PACRGL: variants seen among roughly 807,000 people sequenced by gnomAD.
PACRGL encodes parkin coregulated like.
In PACRGL, 38 loss-of-function variants were observed where a neutral mutation model predicts 34.5. The observed-to-expected ratio is 1.10, with a 90% confidence interval of 0.85 to 1.44. PACRGL has a LOEUF of 1.44. PACRGL is among the 40% of genes most tolerant of loss of function. The pLI, the probability that PACRGL is intolerant of heterozygous loss-of-function variation, is 0.00. For missense variants in PACRGL, 305 were observed against 281.4 expected (o/e 1.08, Z -0.60); for synonymous variants, 128 against 100.1 (o/e 1.28, Z -1.66).
chr4:20,738,383 C>T (rs1245883546), intron 8 of PACRGL, among the ~76,000 whole-genome samples: 4 of 152,154 alleles, frequency 2.6e-5, no homozygotes, highest in South Asian at 2.1e-4. Context: ...GCAACACAGT[C>T]ACCTGGGGAG....
chr4:20,759,081 C>T, the PACRGL span, among the ~76,000 whole-genome samples: 1 of 151,792 alleles, frequency 6.6e-6, no homozygotes, highest in Non-Finnish European at 1.5e-5. Context: ...GAAAAAAAAA[C>T]GTAGATGTAA....
chr4:20,759,652 G>GA, the PACRGL span, among the ~76,000 whole-genome samples: 1 of 148,288 alleles, frequency 6.7e-6, no homozygotes, highest in African/African-American at 2.5e-5. Flanking sequence ...ATAAAAAAAA[G>GA]AAAAAAAGAA....
chr4:20,708,244 A>G (rs894377507), intron 4 of PACRGL, among the ~76,000 whole-genome samples: 5 of 152,200 alleles, frequency 3.3e-5, no homozygotes, highest in Admixed American at 3.3e-4. Flanking sequence ...TAATAAATAC[A>G]TATGGCTGTT....
intron 5 of PACRGL, among the ~76,000 whole-genome samples, chr4:20,710,449 A>T (rs1736649244): frequency 6.6e-6 from 1 of 152,160 alleles, no homozygotes; most frequent in South Asian, 2.1e-4. Flanking sequence ...TAAACTTTTA[A>T]TTACTTTTTA....
Position 20,729,982 on chromosome 4 carries a change from G to A in PACRGL, c.*2641G>A. 1 of 1,353,256 alleles carries A rather than the reference G, an allele frequency of 7.4e-7. No homozygotes were observed. Among genetic ancestry groups the A allele is most frequent in the Non-Finnish European group, 1.0e-6 (1 of 1,002,820 alleles). 83.8% of individuals were successfully genotyped at this position (1,353,256 alleles called of 1,614,324 possible). On this transcript the variant is annotated 3_prime_UTR_variant, in exon 9 of 9. Coordinates refer to ENST00000503585, the MANE Select transcript of PACRGL (RefSeq NM_001258345.3). ...AAGCTTGTTTGCATAATATGCTTCA[G>A]TGTCAAGCTGAGCAATCTATGCTAA...
At chr4:20,718,718 G>T (rs1206197035) in intron 7 of PACRGL, 3 of 152,190 alleles carry the variant, frequency 2.0e-5, no homozygotes, top group South Asian at 2.1e-4. Flanking sequence ...TTGATGTGCT[G>T]CTGGATTCGG....
At chr4:20,758,307 TGAAA>T in the PACRGL span, among the ~76,000 whole-genome samples, 2 of 152,142 alleles carry the variant, frequency 1.3e-5, no homozygotes, top group Non-Finnish European at 2.9e-5. Flanking sequence ...AAAGAATTAC[TGAAA>T]GAAAGAGGAA....
At chr4:20,755,021 C>T (rs1403621748), downstream of PACRGL, among the ~76,000 whole-genome samples, 2 of 151,888 alleles carry the variant, frequency 1.3e-5, no homozygotes, top group East Asian at 1.9e-4. Flanking sequence ...TAATTAATTC[C>T]CCAAATTAAT....
intron 8 of PACRGL, among the ~76,000 whole-genome samples, chr4:20,745,969 C>T (rs1390673551): frequency 1.3e-5 from 2 of 152,144 alleles, no homozygotes; most frequent in African/African-American, 2.4e-5. Flanking sequence ...AAGACTGTGG[C>T]GATTCCTCAA....
chr4:20,710,291 C>A (rs970221683), intron 5 of PACRGL, among the ~76,000 whole-genome samples: 2 of 152,112 alleles, frequency 1.3e-5, no homozygotes, highest in East Asian at 3.9e-4. Flanking sequence ...TTAAAAAAAA[C>A]TTTTGATAGC....
chr4:20,736,527 A>G (rs1749668797), downstream of PACRGL, among the ~76,000 whole-genome samples: 1 of 152,148 alleles, frequency 6.6e-6, no homozygotes. Flanking sequence ...TGTGTGCAAT[A>G]TTAGCTGCAA....
Position 20,729,952 on chromosome 4 carries a change from A to G in PACRGL, c.*2611A>G. On this transcript the variant is annotated 3_prime_UTR_variant, in exon 9 of 9. Coordinates refer to ENST00000503585, the MANE Select transcript of PACRGL (RefSeq NM_001258345.3). The stretch of plus-strand genomic sequence containing the variant: ...ATCTTTTGGGGATTGCTTTATATTA[A>G]AACAAAGCTTGTTTGCATAATATGC... 2 of 1,127,276 alleles carry G rather than the reference A, an allele frequency of 1.8e-6. No homozygotes were observed. Among genetic ancestry groups the G allele is most frequent in the Non-Finnish European group, 2.4e-6 (2 of 831,674 alleles). 69.8% of individuals were successfully genotyped at this position (1,127,276 alleles called of 1,614,324 possible). A position where few individuals can be genotyped will look rare whatever the true frequency, so the allele number is the denominator to read the frequency against.
At chr4:20,722,202 G>A (rs1743628141) in intron 7 of PACRGL, among the ~76,000 whole-genome samples, 1 of 152,198 alleles carries the variant, frequency 6.6e-6, no homozygotes, top group Non-Finnish European at 1.5e-5. Context: ...GGAGTGACTC[G>A]ATATTCCAGG....
chr4:20,706,667 C>A lies in PACRGL; in HGVS notation c.208-1136C>A, dbSNP rs544478273. Among the ~76,000 whole-genome samples the A allele has an allele frequency of 2.6e-5, 4 of 152,170 alleles. No homozygotes were observed. The East Asian group carries it at 7.7e-4, about 29-fold the overall frequency. ...CTTGGTTCACTGCAAACTCCGCCTC[C>A]TGCATTCAAGCCATTCTCCTGCCTC... On this transcript the variant is annotated intron_variant, in intron 3 of 8. Coordinates refer to ENST00000503585, the MANE Select transcript of PACRGL (RefSeq NM_001258345.3).
chr4:20,700,309 T>G (rs987705331), upstream of PACRGL: 1 of 152,306 alleles, frequency 6.6e-6, no homozygotes, highest in African/African-American at 2.4e-5. Flanking sequence ...GTGCGTGAGC[T>G]GCCCCCTGAA....
In PACRGL at chr4:20,731,650, G is replaced by A; in HGVS notation, c.*4309G>A. 1 of 985,170 alleles carries A rather than the reference G, an allele frequency of 1.0e-6. No homozygotes were observed. Among genetic ancestry groups the A allele is most frequent in the Non-Finnish European group, 1.2e-6 (1 of 829,778 alleles). 61.0% of individuals were successfully genotyped at this position (985,170 alleles called of 1,614,324 possible). On this transcript the variant is annotated 3_prime_UTR_variant, in exon 9 of 9. Transcript: ENST00000503585. The stretch of plus-strand genomic sequence containing the variant: ...GCTATCTAGGAATTCTAATGCTGTG[G>A]AGATATGATAGATAATATATGAGTG...
rs926128477 is a variant in PACRGL at position 20,728,613 on chromosome 4, A to G, written c.*1272A>G. On this transcript the variant is annotated 3_prime_UTR_variant, in exon 9 of 9. Transcript: ENST00000503585. Reference sequence around the variant, plus strand: ...GACCTGTAACATAGACAGTAGAGTTATAAACATTTTATTTTGCTTTTATTT... The same window carrying G: ...GACCTGTAACATAGACAGTAGAGTTGTAAACATTTTATTTTGCTTTTATTT... The G allele has an allele frequency of 6.6e-6, 1 of 152,638 alleles. No homozygotes were observed. Among genetic ancestry groups the G allele is most frequent in the Non-Finnish European group, 1.5e-5 (1 of 68,034 alleles). The allele number at this position is 152,638 out of a possible 1,614,324, so 9.5% of individuals were successfully genotyped here.
chr4:20,743,465 A>G (rs1342944250), intron 8 of PACRGL, among the ~76,000 whole-genome samples: 1 of 152,124 alleles, frequency 6.6e-6, no homozygotes, highest in Non-Finnish European at 1.5e-5. Context: ...AAATAATACC[A>G]CACATCTACA....
Position 20,732,540 on chromosome 4 carries a change from AAT to A in PACRGL, c.*5200_*5201del. ...TGTAAATTCAAAACCAAAGCTATTA[AAT>A]TAATAGGATGCTAAATACTGTTTTG... On this transcript the variant is annotated 3_prime_UTR_variant, in exon 9 of 9. Transcript: ENST00000503585. 2 of 663,958 alleles carry A rather than the reference AAT, an allele frequency of 3.0e-6. No homozygotes were observed. Among genetic ancestry groups the A allele is most frequent in the Non-Finnish European group, 5.3e-6 (2 of 374,184 alleles). 41.1% of individuals were successfully genotyped at this position (663,958 alleles called of 1,614,324 possible).
Sources: gnomAD v4.1 joint callset for allele counts (sites outside exome capture counted in the v4.1 genomes callset) on GRCh38, gnomAD v4.1.1 for gene constraint, MANE v1.5 for transcripts, NCBI Gene and HGNC (gene_info 2026-07-23, HGNC 2026-07-21) for gene names.